SLC10A7: variants seen among roughly 807,000 people sequenced by gnomAD.
SLC10A7 encodes the protein sodium/bile acid cotransporter 7.
A neutral mutation model predicts 43.2 loss-of-function variants in SLC10A7; 29 were observed. The observed-to-expected ratio is 0.67, with a 90% CI of 0.50 to 0.92. SLC10A7 has a LOEUF of 0.92. Among genes scored for constraint, SLC10A7 ranks in the 40% least tolerant of loss-of-function variants. SLC10A7 has a pLI of 0.00. For missense variants in SLC10A7, 295 were observed against 403.2 expected (o/e 0.73, Z 2.30); for synonymous variants, 152 against 144.8 (o/e 1.05, Z -0.35).
chr4:146,262,651 G>A (rs548203986), intron 10 of SLC10A7, among the ~76,000 whole-genome samples: 34 of 152,290 alleles, frequency 2.2e-4, no homozygotes, highest in Non-Finnish European at 4.4e-4. Flanking sequence ...CTCTGTAGAA[G>A]GGCTAGGAAT....
chr4:146,471,389 T>C (rs1032038984), intron 4 of SLC10A7, among the ~76,000 whole-genome samples: 5 of 152,338 alleles, frequency 3.3e-5, no homozygotes, highest in South Asian at 2.1e-4. Flanking sequence ...ATTTGAAGTA[T>C]GGCTTATTAT....
At chr4:146,422,545 T>C (rs1160869256) in intron 5 of SLC10A7, among the ~76,000 whole-genome samples, 2 of 152,198 alleles carry the variant, frequency 1.3e-5, no homozygotes, top group Non-Finnish European at 2.9e-5. Flanking sequence ...TATAAAACTG[T>C]AACTAAAAAG....
At chr4:146,469,433 AT>A (rs761570038) in intron 4 of SLC10A7, among the ~76,000 whole-genome samples, 55 of 152,324 alleles carry the variant, frequency 3.6e-4, no homozygotes, top group Non-Finnish European at 5.9e-4. Flanking sequence ...GGACACTAGG[AT>A]CCGTGGAGTT....
At chr4:146,490,305 G>A (rs1172897674) in intron 4 of SLC10A7, among the ~76,000 whole-genome samples, 1 of 152,108 alleles carries the variant, frequency 6.6e-6, no homozygotes, top group Non-Finnish European at 1.5e-5. Flanking sequence ...AATGCAATGA[G>A]TATTCATGAG....
At chr4:146,307,801 C>T (rs1256316345) in intron 6 of SLC10A7, among the ~76,000 whole-genome samples, 1 of 152,080 alleles carries the variant, frequency 6.6e-6, no homozygotes, top group Non-Finnish European at 1.5e-5. Context: ...CCTGGCTCCT[C>T]TTTCTATCTC....
At chr4:146,260,617 C>G (rs1342025637) in intron 10 of SLC10A7, among the ~76,000 whole-genome samples, 1 of 152,118 alleles carries the variant, frequency 6.6e-6, no homozygotes, top group Non-Finnish European at 1.5e-5. Flanking sequence ...AATAAGTAAA[C>G]AAAAAGTTCT....
At chr4:146,518,240 T>A (rs1738200356) in intron 1 of SLC10A7, among the ~76,000 whole-genome samples, 1 of 152,246 alleles carries the variant, frequency 6.6e-6, no homozygotes, top group Non-Finnish European at 1.5e-5. Flanking sequence ...TGACATTTTA[T>A]ACCTATATAG....
chr4:146,333,224 A>T (rs879782147), intron 5 of SLC10A7, among the ~76,000 whole-genome samples: 3 of 152,110 alleles, frequency 2.0e-5, no homozygotes, highest in Non-Finnish European at 4.4e-5. Context: ...GGTCTTCTAC[A>T]CTTATATTAA....
chr4:146,499,951 G>T (rs1736246390), intron 4 of SLC10A7, among the ~76,000 whole-genome samples: 1 of 152,220 alleles, frequency 6.6e-6, no homozygotes, highest in East Asian at 1.9e-4. Flanking sequence ...GAACAAAAAG[G>T]TTTTTTAGTC....
intron 4 of SLC10A7, among the ~76,000 whole-genome samples, chr4:146,473,745 A>G (rs982899379): frequency 6.6e-6 from 1 of 151,552 alleles, no homozygotes; most frequent in Non-Finnish European, 1.5e-5. Context: ...GAAATCTTAC[A>G]TTTTTTTTAC....
At chr4:146,454,461 T>C (rs1222246216) in intron 4 of SLC10A7, among the ~76,000 whole-genome samples, 1 of 151,846 alleles carries the variant, frequency 6.6e-6, no homozygotes, top group Non-Finnish European at 1.5e-5. Flanking sequence ...ATAGAATTCA[T>C]CTCCAGACAT....
chr4:146,381,915 A>G (rs1247561311), intron 5 of SLC10A7, among the ~76,000 whole-genome samples: 1 of 152,102 alleles, frequency 6.6e-6, no homozygotes, highest in East Asian at 1.9e-4. Context: ...AAAAACAGAC[A>G]TTTCAGTGAC....
chr4:146,355,562 T>C (rs899511304), intron 5 of SLC10A7, among the ~76,000 whole-genome samples: 1 of 151,616 alleles, frequency 6.6e-6, no homozygotes, highest in Non-Finnish European at 1.5e-5. Context: ...TGACTATAAA[T>C]CATGCTGCTA....
chr4:146,298,890 T>A (rs934993761), intron 7 of SLC10A7, among the ~76,000 whole-genome samples: 1 of 152,158 alleles, frequency 6.6e-6, no homozygotes, highest in African/African-American at 2.4e-5. Flanking sequence ...AGGAGCTGTG[T>A]GTGCAGCCAA....
chr4:146,304,871 A>T lies in SLC10A7; in HGVS notation c.555+1055T>A, dbSNP rs1258448174. ...GGGGCGTTAAAGTCTCCCATTATTA[A>T]TGTGTGGGAGTCTAAGTCTCTTTGT... On this transcript the variant is annotated intron_variant, in intron 7 of 11. Transcript: ENST00000335472. 2.6e-4 allele frequency among the ~76,000 whole-genome samples: 39 copies of T among 151,792 alleles called. No individual in the cohort carries two copies. The South Asian group carries it at 5.5e-3, about 21-fold the overall frequency.
At chr4:146,374,063 C>G (rs1317227769) in intron 5 of SLC10A7, among the ~76,000 whole-genome samples, 1 of 152,188 alleles carries the variant, frequency 6.6e-6, no homozygotes, top group Non-Finnish European at 1.5e-5. Context: ...AACTGGAGTG[C>G]TATTCATTGG....
rs771123428 is a variant in SLC10A7 at position 146,294,000 on chromosome 4, T to C, written c.651A>G (p.Thr217=). 6.8e-6 allele frequency: 11 copies of C among 1,613,522 alleles called. No individual in the cohort carries two copies. The South Asian group carries it at 8.8e-5, about 13-fold the overall frequency. ...TTGGGTTAGAGAACGTGTCACAGAA[T>C]GTTGTGTAGATGATCATGAGGAGTA... is the stretch of plus-strand genomic sequence containing the variant. The part of the protein sequence containing the change: ...SSVLLMIIYT[T]FCDTFSNPNI... Residue 217 remains threonine (T), a synonymous_variant, in exon 8 of 12, where the codon ACA becomes ACG. Transcript: ENST00000335472.
rs1385802900 is a variant in SLC10A7 at position 146,350,748 on chromosome 4, G to A, written c.436-24752C>T. On this transcript the variant is annotated intron_variant, in intron 5 of 11. Transcript: ENST00000335472. ...CCCTGACCCCCGAGCAGCCTAACTG[G>A]GAGGCACCCCCCAGCAGGGGCACAC... Among the ~76,000 whole-genome samples the A allele has an allele frequency of 2.3e-5, 2 of 85,784 alleles. 1 individual carries two copies. The highest frequency in any genetic ancestry group is 4.3e-5 in the Non-Finnish European group (2 of 46,658). 56.3% of individuals were successfully genotyped at this position (85,784 alleles called of 152,430 possible).
intron 10 of SLC10A7, among the ~76,000 whole-genome samples, chr4:146,262,746 C>A (rs1388000138): frequency 6.6e-6 from 1 of 152,248 alleles, no homozygotes; most frequent in Non-Finnish European, 1.5e-5. Context: ...ATCCCCCTCA[C>A]CTTCGTTTAA....
Sources: gnomAD v4.1 joint callset for allele counts (sites outside exome capture counted in the v4.1 genomes callset) on GRCh38, gnomAD v4.1.1 for gene constraint, MANE v1.5 for transcripts, NCBI Gene and HGNC (gene_info 2026-07-23, HGNC 2026-07-21) for gene names.